The following DIABLO variants were observed in gnomAD, a reference collection of about 807,000 sequenced individuals.
DIABLO encodes diablo homolog, mitochondrial.
DIABLO carries 32 observed loss-of-function variants against 31.7 expected under a neutral mutation model. That is an observed-to-expected ratio of 1.01 (90% CI 0.76 to 1.35). The LOEUF (loss-of-function observed/expected upper bound fraction) is 1.35, where lower values mean the gene tolerates loss of function less well. Among genes scored for constraint, DIABLO ranks in the 40% most tolerant of loss-of-function variants. The probability of loss-of-function intolerance (pLI) is 0.00; values close to 1 mark genes in which losing one functional copy is unlikely to be tolerated. For missense variants in DIABLO, 316 were observed against 286.4 expected, an observed-to-expected ratio of 1.10 and a Z score of -0.75; for synonymous variants, 132 against 103.2, an observed-to-expected ratio of 1.28 and a Z score of -1.69.
intron 5 of DIABLO, among the ~76,000 whole-genome samples, chr12:122,209,136 G>C (rs1332395032): frequency 6.6e-6 from 1 of 152,224 alleles, no homozygotes; most frequent in East Asian, 1.9e-4. Flanking sequence ...AAGGCAGGCA[G>C]ATCACCTGAG....
intron 2 of DIABLO, among the ~76,000 whole-genome samples, chr12:122,219,538 C>G (rs1403393273): frequency 6.6e-6 from 1 of 151,974 alleles, no homozygotes; most frequent in African/African-American, 2.4e-5. Flanking sequence ...AAAGGCTTCA[C>G]AAGTTTGATG....
intron 5 of DIABLO, among the ~76,000 whole-genome samples, chr12:122,213,309 CA>C (rs1386526255): frequency 6.6e-6 from 1 of 151,470 alleles, no homozygotes; most frequent in Non-Finnish European, 1.5e-5. Context: ...GCGGGTGGAT[CA>C]CTTGAGCTCA....
At chr12:122,210,446 C>T (rs1786138052) in intron 5 of DIABLO, among the ~76,000 whole-genome samples, 1 of 147,914 alleles carries the variant, frequency 6.8e-6, no homozygotes, top group Non-Finnish European at 1.5e-5. Flanking sequence ...GATCTCGGCT[C>T]ACTGTAAGCT....
At chr12:122,215,883 G>A (rs73219893) in intron 5 of DIABLO, among the ~76,000 whole-genome samples, 3,534 of 94,300 alleles carry the variant, frequency 0.037, 426 homozygotes, top group African/African-American at 0.073. Flanking sequence ...TTTTATGAAG[G>A]AAAAAAAAAA....
chr12:122,225,091 T>A, intron 1 of DIABLO: 1 of 337,952 alleles, frequency 3.0e-6, no homozygotes, highest in Non-Finnish European at 5.7e-6. Flanking sequence ...CACGCTCCTG[T>A]AATCCCAGCT....
At position 122,208,118 on chromosome 12, in the gene DIABLO, T is replaced by TTA. The variant is rs1953972082; in HGVS notation, c.*262_*263insTA. 1.5e-6 allele frequency: 1 copy of TTA among 658,180 alleles called. No homozygotes were observed. The highest frequency in any genetic ancestry group is 2.8e-6 in the Non-Finnish European group (1 of 358,368). The allele number at this position is 658,180 out of a possible 1,614,324, so 40.8% of individuals were successfully genotyped here. The stretch of plus-strand genomic sequence containing the variant: ...TAGGCAAAATGCTTTGGGTGTGAGG[T>TTA]AAAAAAAATGGGTAAGAGCAGCTGT... On this transcript the variant is annotated 3_prime_UTR_variant, in exon 6 of 6. Coordinates refer to ENST00000464942, the MANE Select transcript of DIABLO (RefSeq NM_001371333.1).
At chr12:122,223,015 T>G (rs1160299144) in intron 2 of DIABLO, among the ~76,000 whole-genome samples, 1 of 151,892 alleles carries the variant, frequency 6.6e-6, no homozygotes, top group African/African-American at 2.4e-5. Flanking sequence ...TCCCCACCTC[T>G]TCTGCTTGCC....
upstream of DIABLO, chr12:122,226,397 C>T (rs1342101427): frequency 3.1e-6 from 1 of 322,962 alleles, no homozygotes; most frequent in Non-Finnish European, 6.1e-6. Flanking sequence ...CGGGGCCGGG[C>T]GGGAGGCGGG....
chr12:122,218,589 G>T lies in DIABLO; in HGVS notation c.184-192C>A. On this transcript the variant is annotated intron_variant, in intron 2 of 5. Coordinates refer to ENST00000464942, the MANE Select transcript of DIABLO (RefSeq NM_001371333.1). ...GACAATATAGAGAAATAATTCCGGA[G>T]TATGCTTTCTACCAACTTTCATTCT... 3 of 643,654 alleles carry T rather than the reference G, an allele frequency of 4.7e-6. No individual in the cohort carries two copies. The South Asian group carries it at 5.8e-5, about 12-fold the overall frequency. 39.9% of individuals were successfully genotyped at this position (643,654 alleles called of 1,614,324 possible).
chr12:122,211,019 G>A (rs761254117), intron 5 of DIABLO, among the ~76,000 whole-genome samples: 3 of 127,252 alleles, frequency 2.4e-5, no homozygotes, highest in Non-Finnish European at 4.7e-5. Flanking sequence ...CAGCATTCCC[G>A]CATGGACCCT....
intron 1 of DIABLO, chr12:122,225,625 C>A: frequency 1.6e-6 from 2 of 1,270,242 alleles, no homozygotes; most frequent in Non-Finnish European, 2.0e-6. Context: ...CCTTCCCGGA[C>A]TCCCCCCATG....
chr12:122,212,732 C>T (rs2136088177), intron 5 of DIABLO, among the ~76,000 whole-genome samples: 1 of 151,794 alleles, frequency 6.6e-6, no homozygotes, highest in East Asian at 1.9e-4. Flanking sequence ...TCACGCCATT[C>T]TCCTGCCTCA....
chr12:122,223,610 T>TA (rs1954382654), intron 2 of DIABLO, among the ~76,000 whole-genome samples: 1 of 152,118 alleles, frequency 6.6e-6, no homozygotes, highest in Non-Finnish European at 1.5e-5. Context: ...TCCTCAGACA[T>TA]ACCAGGCATA....
rs887577378 is a variant in DIABLO, at chr12:122,211,259, G to A, written c.524-2682C>T. Reference sequence around the variant, plus strand: ...TACCAAAAAATAAAAAAGATTAATCGGGCGTGGTGGTGACTGCCTGTGGTC... The same window carrying A: ...TACCAAAAAATAAAAAAGATTAATCAGGCGTGGTGGTGACTGCCTGTGGTC... On this transcript the variant is annotated intron_variant, in intron 5 of 5. Transcript: ENST00000464942. Among the ~76,000 whole-genome samples the A allele has an allele frequency of 2.6e-5, 4 of 151,782 alleles. No individual in the cohort carries two copies. The South Asian group carries it at 6.3e-4, about 24-fold the overall frequency.
upstream of DIABLO, chr12:122,226,113 A>G: frequency 6.7e-7 from 1 of 1,500,554 alleles, no homozygotes; most frequent in Middle Eastern, 2.3e-4. Context: ...CTCGCCCCAT[A>G]GCCACGCCCC....
In DIABLO at chr12:122,207,729, A is replaced by G; in HGVS notation, c.*652T>C. On this transcript the variant is annotated 3_prime_UTR_variant, in exon 6 of 6. Transcript: ENST00000464942. ...AAAATCTTACACTCTTCTCCTTTGG[A>G]TACAATAGAGAAACGGAAAGAAAGG... 1.9e-6 allele frequency: 1 copy of G among 514,548 alleles called. No homozygotes were observed. The highest frequency in any genetic ancestry group is 3.7e-6 in the Non-Finnish European group (1 of 267,058). The allele number at this position is 514,548 out of a possible 1,614,324, so 31.9% of individuals were successfully genotyped here.
In DIABLO at chr12:122,207,957, C is replaced by T. The variant is rs1014067487; in HGVS notation, c.*424G>A. 7 of 466,088 alleles carry T rather than the reference C, an allele frequency of 1.5e-5. No individual in the cohort carries two copies. Among genetic ancestry groups the T allele is most frequent in the Non-Finnish European group, 2.5e-5 (6 of 235,416 alleles). The allele number at this position is 466,088 out of a possible 1,614,324, so 28.9% of individuals were successfully genotyped here. A position where few individuals can be genotyped will look rare whatever the true frequency, so the allele number is the denominator to read the frequency against. ...CGTACAAACTGGACAGGTTCCCCTC[C>T]CCCTGCCACAACTGGCATCCCAACA... On this transcript the variant is annotated 3_prime_UTR_variant, in exon 6 of 6. Coordinates refer to ENST00000464942, the MANE Select transcript of DIABLO (RefSeq NM_001371333.1).
chr12:122,208,809 C>T (rs1954005694), intron 5 of DIABLO: 1 of 633,798 alleles, frequency 1.6e-6, no homozygotes, highest in Non-Finnish European at 2.9e-6. Context: ...CGGCCAACAT[C>T]ACAATTATTA....
At chr12:122,226,408 GC>G (rs1440820535), upstream of DIABLO, 1 of 683,178 alleles carries the variant, frequency 1.5e-6, no homozygotes, top group East Asian at 2.8e-5. Context: ...GGGAGGCGGG[GC>G]CGGGCGCGGC....
Sources: gnomAD v4.1 joint callset for allele counts (sites outside exome capture counted in the v4.1 genomes callset) on GRCh38, gnomAD v4.1.1 for gene constraint, MANE v1.5 for transcripts, NCBI Gene and HGNC (gene_info 2026-07-23, HGNC 2026-07-21) for gene names.